ARB2A: variants seen among roughly 807,000 people sequenced by gnomAD.
ARB2A encodes ARB2 cotranscriptional regulator A.
chr5:93,955,157 C>CT, the ARB2A span, among the ~76,000 whole-genome samples: 3 of 152,226 alleles, frequency 2.0e-5, no homozygotes, highest in South Asian at 6.2e-4. Flanking sequence ...TATGAAGGTG[C>CT]TTTTTTGTAT....
chr5:93,920,705 A>G, the ARB2A span, among the ~76,000 whole-genome samples: 4 of 152,180 alleles, frequency 2.6e-5, no homozygotes, highest in African/African-American at 9.7e-5. Flanking sequence ...TACCATTCAC[A>G]GTTGAGAGAA....
At chr5:94,051,908 G>A in the ARB2A span, among the ~76,000 whole-genome samples, 3 of 152,110 alleles carry the variant, frequency 2.0e-5, no homozygotes, top group South Asian at 2.1e-4. Flanking sequence ...TGCAACCTCT[G>A]CCTCCCAGGT....
chr5:93,996,351 A>C, the ARB2A span, among the ~76,000 whole-genome samples: 1 of 152,088 alleles, frequency 6.6e-6, no homozygotes, highest in African/African-American at 2.4e-5. Flanking sequence ...ATACGGACAA[A>C]TAATTTTGTA....
chr5:93,653,384 C>T, the ARB2A span, among the ~76,000 whole-genome samples: 1 of 150,590 alleles, frequency 6.6e-6, no homozygotes, highest in South Asian at 2.1e-4. Context: ...TGGTAGCGGG[C>T]GCCTGTAGTC....
chr5:94,098,803 C>T, the ARB2A span, among the ~76,000 whole-genome samples: 1 of 152,162 alleles, frequency 6.6e-6, no homozygotes, highest in Admixed American at 6.5e-5. Context: ...AATGTTACTA[C>T]TGACCCCACA....
the ARB2A span, among the ~76,000 whole-genome samples, chr5:93,677,888 G>T: frequency 6.6e-6 from 1 of 152,136 alleles, no homozygotes; most frequent in East Asian, 1.9e-4. Flanking sequence ...GGATCTCAGT[G>T]CTACTTCTAC....
chr5:93,889,267 T>A, the ARB2A span, among the ~76,000 whole-genome samples: 1 of 151,860 alleles, frequency 6.6e-6, no homozygotes, highest in Non-Finnish European at 1.5e-5. Context: ...AAATGTAATG[T>A]TTGAGGATGT....
At chr5:93,654,730 C>T in the ARB2A span, among the ~76,000 whole-genome samples, 1 of 152,204 alleles carries the variant, frequency 6.6e-6, no homozygotes, top group East Asian at 1.9e-4. Context: ...CTTATCATTA[C>T]TTTGCTGTGT....
the ARB2A span, among the ~76,000 whole-genome samples, chr5:93,679,823 A>G: frequency 6.6e-6 from 1 of 152,182 alleles, no homozygotes; most frequent in African/African-American, 2.4e-5. Flanking sequence ...CTGATTACGT[A>G]TTTAACTCAA....
At chr5:93,980,881 T>C in the ARB2A span, among the ~76,000 whole-genome samples, 1 of 152,176 alleles carries the variant, frequency 6.6e-6, no homozygotes, top group African/African-American at 2.4e-5. Flanking sequence ...ATAGTTCTAT[T>C]ATCAAAAGAT....
the ARB2A span, among the ~76,000 whole-genome samples, chr5:93,631,800 GGA>G: frequency 6.7e-4 from 101 of 150,918 alleles, no homozygotes; most frequent in Non-Finnish European, 1.2e-3. Flanking sequence ...AGGGGGATAG[GGA>G]GAGGGGGAGA....
the ARB2A span, among the ~76,000 whole-genome samples, chr5:93,890,877 G>T: frequency 6.6e-6 from 1 of 152,024 alleles, no homozygotes; most frequent in Non-Finnish European, 1.5e-5. Context: ...GTAAATGCTT[G>T]TTAAAATCCC....
the ARB2A span, among the ~76,000 whole-genome samples, chr5:94,011,883 T>TA: frequency 0.046 from 1,988 of 43,316 alleles, 24 homozygotes; most frequent in Middle Eastern, 0.071. Context: ...CAGAGTGATT[T>TA]AAAAAAAAAA....
the ARB2A span, chr5:93,741,313 C>T: frequency 1.2e-6 from 2 of 1,613,332 alleles, no homozygotes; most frequent in South Asian, 1.1e-5. Flanking sequence ...CTCACTAGCT[C>T]CAAGACGGGG....
At chr5:93,806,278 G>C in the ARB2A span, among the ~76,000 whole-genome samples, 1 of 151,614 alleles carries the variant, frequency 6.6e-6, no homozygotes, top group Non-Finnish European at 1.5e-5. Flanking sequence ...CTTTTTCATT[G>C]GTATTTTCAT....
chr5:93,741,187 A>T, the ARB2A span: 21 of 1,613,732 alleles, frequency 1.3e-5, no homozygotes, highest in Non-Finnish European at 1.8e-5. Flanking sequence ...CAATTGCTGC[A>T]ACTCTTTCAG....
the ARB2A span, among the ~76,000 whole-genome samples, chr5:94,078,429 G>A: frequency 2.6e-5 from 4 of 152,118 alleles, no homozygotes; most frequent in Admixed American, 6.6e-5. Flanking sequence ...AATATTCATC[G>A]GTTGCTCATC....
At chr5:93,988,728 T>C in the ARB2A span, among the ~76,000 whole-genome samples, 1 of 152,154 alleles carries the variant, frequency 6.6e-6, no homozygotes, top group African/African-American at 2.4e-5. Flanking sequence ...TAGCAAACAT[T>C]TGCAAAGCAG....
the ARB2A span, among the ~76,000 whole-genome samples, chr5:93,999,632 T>C: frequency 4.0e-5 from 6 of 151,766 alleles, no homozygotes; most frequent in African/African-American, 1.2e-4. Context: ...TCCTCCAGAG[T>C]GATACATTGA....
Sources: gnomAD v4.1 joint callset for allele counts (sites outside exome capture counted in the v4.1 genomes callset) on GRCh38, gnomAD v4.1.1 for gene constraint, MANE v1.5 for transcripts, NCBI Gene and HGNC (gene_info 2026-07-23, HGNC 2026-07-21) for gene names.